JMJD1C: variants seen among roughly 807,000 people sequenced by gnomAD.
The protein encoded by JMJD1C is jumonji domain containing 1C.
A neutral mutation model predicts 245.3 loss-of-function variants in JMJD1C; 31 were observed. That is an observed-to-expected ratio of 0.13 (90% CI 0.09 to 0.17). The LOEUF is 0.17. Among genes scored for constraint, JMJD1C ranks in the 10% least tolerant of loss-of-function variants. The pLI is 1.00. For missense variants in JMJD1C, 2,691 were observed against 3,000.2 expected, an observed-to-expected ratio of 0.90 and a Z score of 2.41; for synonymous variants, 1,057 against 1,017.4, an observed-to-expected ratio of 1.04 and a Z score of -0.74.
At chr10:63,369,842 T>C (rs9414799) in intron 2 of JMJD1C, among the ~76,000 whole-genome samples, 21,107 of 152,138 alleles carry the variant, frequency 0.14, 2,190 homozygotes, top group East Asian at 0.35. Flanking sequence ...ACCTGCTTGA[T>C]AGGAGTGTTT....
At chr10:63,493,561 C>A (rs910298961) in intron 1 of JMJD1C, among the ~76,000 whole-genome samples, 1 of 152,018 alleles carries the variant, frequency 6.6e-6, no homozygotes, top group African/African-American at 2.4e-5. Flanking sequence ...GGATTACAGG[C>A]GTGAGCCACC....
chr10:63,385,808 T>TA (rs1426796124), intron 1 of JMJD1C, among the ~76,000 whole-genome samples: 1 of 151,900 alleles, frequency 6.6e-6, no homozygotes, highest in Admixed American at 6.6e-5. Context: ...CAAACTACGA[T>TA]AAAAAATGTA....
intron 2 of JMJD1C, among the ~76,000 whole-genome samples, chr10:63,270,166 TTCTC>T (rs939947078): frequency 1.1e-4 from 17 of 152,224 alleles, no homozygotes; most frequent in African/African-American, 2.9e-4. Flanking sequence ...TAATAGTAAG[TTCTC>T]TCTCTATTTT....
Position 63,190,938 on chromosome 10 carries a change from C to A in JMJD1C, c.6247G>T (p.Asp2083Tyr). The A allele has an allele frequency of 6.2e-7, 1 of 1,614,116 alleles. No homozygotes were observed. The highest frequency in any genetic ancestry group is 8.5e-7 in the Non-Finnish European group (1 of 1,179,950). ...ACTGGGGCAAAGGCAATGCCAGCAT[C>A]TGTAGACCCCACACGTAGCTTTCCA... is the stretch of plus-strand genomic sequence containing the variant. ...TAGKLRVGST[D>Y]AGIAFAPVYS... Residue 2083 changes from aspartate to tyrosine, a missense_variant, in exon 17 of 26, where the codon GAT becomes TAT. By Grantham distance (160) the Asp-to-Tyr change is radical. Around this residue, in one of 9 missense-constraint regions of JMJD1C, gnomAD observed 275 missense variants for 285.5 expected, o/e 0.96. Transcript: ENST00000399262.
At chr10:63,221,923 T>C (rs1848643784) in intron 3 of JMJD1C, among the ~76,000 whole-genome samples, 1 of 152,168 alleles carries the variant, frequency 6.6e-6, no homozygotes, top group Non-Finnish European at 1.5e-5. Flanking sequence ...GGTTTCATCA[T>C]ATTGGTTAGG....
At chr10:63,361,730 AAAAAAAAAAAAAAAAAAG>A (rs1373140714) in intron 2 of JMJD1C, among the ~76,000 whole-genome samples, 4 of 142,094 alleles carry the variant, frequency 2.8e-5, no homozygotes, top group Non-Finnish European at 4.5e-5. Context: ...AAAAAAAAAA[AAAAAAAAAAAAAAAAAAG>A]AAAAAGAATA....
chr10:63,315,710 T>G (rs962047914), intron 2 of JMJD1C, among the ~76,000 whole-genome samples: 1 of 151,522 alleles, frequency 6.6e-6, no homozygotes, highest in Admixed American at 6.6e-5. Flanking sequence ...CATGGTGGCA[T>G]GCACCTGTAG....
intron 13 of JMJD1C, among the ~76,000 whole-genome samples, chr10:63,197,048 G>C (rs1845540821): frequency 6.6e-6 from 1 of 151,666 alleles, no homozygotes; most frequent in African/African-American, 2.4e-5. Context: ...AGCAATCTTT[G>C]GAAGCCAGCC....
At chr10:63,357,282 T>C (rs189025597) in intron 2 of JMJD1C, among the ~76,000 whole-genome samples, 21 of 152,076 alleles carry the variant, frequency 1.4e-4, no homozygotes, top group African/African-American at 5.1e-4. Flanking sequence ...GTCACACAAA[T>C]ATATTTTTTC....
In JMJD1C at chr10:63,465,585, C is replaced by G. The variant is rs369088569; in HGVS notation, c.78G>C (p.Glu26Asp). Residue 26 changes from glutamate (E) to aspartate (D), a missense_variant, in exon 1 of 26, where the codon GAG (glutamate) becomes GAC (aspartate). Physicochemically the swap from Glu to Asp is conservative, Grantham distance 45 (BLOSUM62 2). This residue lies in a region of JMJD1C where 135 missense variants were observed against 115.5 expected (regional missense o/e 1.17). Coordinates refer to ENST00000399262, the MANE Select transcript of JMJD1C (RefSeq NM_032776.3). ...GCCAGCCGCGTCCGCTCTCCCAGCG[C>G]TCCGAACGTGCCTCGTCGCCGACCG... ...CVAVGDEARS[E>D]RWESGRGWRS... is the part of the protein sequence containing the mutation. The G allele has an allele frequency of 6.2e-7, 1 of 1,609,398 alleles. No individual in the cohort carries two copies. The highest frequency in any genetic ancestry group is 1.3e-5 in the African/African-American group (1 of 74,932).
At chr10:63,366,152 T>C (rs1945821536) in intron 2 of JMJD1C, among the ~76,000 whole-genome samples, 1 of 152,100 alleles carries the variant, frequency 6.6e-6, no homozygotes. Context: ...CTAAAGGTAA[T>C]AGTTTGACAT....
chr10:63,350,882 G>C (rs1944297679), intron 2 of JMJD1C, among the ~76,000 whole-genome samples: 1 of 151,998 alleles, frequency 6.6e-6, no homozygotes, highest in Admixed American at 6.6e-5. Flanking sequence ...GCCTCCCAAA[G>C]TGCTGGGATT....
chr10:63,168,278 C>A (rs1368091211), intron 25 of JMJD1C, 144 bp from the exon 26 acceptor site: 5 of 969,442 alleles, frequency 5.2e-6, no homozygotes, highest in Non-Finnish European at 7.7e-6. Flanking sequence ...CCAAAAGGGA[C>A]ACTATAAATC....
chr10:63,323,824 G>C (rs1020742545), intron 2 of JMJD1C, among the ~76,000 whole-genome samples: 1 of 152,026 alleles, frequency 6.6e-6, no homozygotes, highest in African/African-American at 2.4e-5. Context: ...GTTTGCATAT[G>C]TGTGTGTGTA....
chr10:63,338,752 G>C (rs372225599), intron 2 of JMJD1C, among the ~76,000 whole-genome samples: 1 of 142,072 alleles, frequency 7.0e-6, no homozygotes, highest in Non-Finnish European at 1.5e-5. Context: ...GGGTTCAAGC[G>C]ATCCTCCTAC....
chr10:63,270,528 G>A lies in JMJD1C; in HGVS notation c.334-5764C>T, dbSNP rs549867504. Among the ~76,000 whole-genome samples the A allele has an allele frequency of 2.3e-4, 35 of 151,748 alleles. No individual in the cohort carries two copies. The East Asian group carries it at 3.1e-3, about 13-fold the overall frequency. ...GTTGCCCAGGCTAGAGTGCAGTGGC[G>A]CGATCTTGGCTCACTGCAATCTCTG... On this transcript the variant is annotated intron_variant, in intron 2 of 25. Coordinates refer to ENST00000399262, the MANE Select transcript of JMJD1C (RefSeq NM_032776.3).
intron 3 of JMJD1C, among the ~76,000 whole-genome samples, chr10:63,261,298 T>C (rs1854711236): frequency 6.6e-6 from 1 of 152,038 alleles, no homozygotes; most frequent in South Asian, 2.1e-4. Flanking sequence ...ATCTGACCAG[T>C]GCCGGGCGCA....
chr10:63,449,499 A>C (rs1418383832), intron 1 of JMJD1C, among the ~76,000 whole-genome samples: 2 of 152,194 alleles, frequency 1.3e-5, no homozygotes, highest in Non-Finnish European at 2.9e-5. Context: ...AAGCTATTAT[A>C]TGAGCTAAAA....
chr10:63,395,758 T>A (rs960017261), intron 1 of JMJD1C, among the ~76,000 whole-genome samples: 2 of 152,154 alleles, frequency 1.3e-5, no homozygotes, highest in African/African-American at 2.4e-5. Flanking sequence ...ATGAAATACT[T>A]CTCAGCAATA....
Sources: allele counts gnomAD v4.1 joint callset (sites outside exome capture counted in the v4.1 genomes callset), GRCh38; gene constraint gnomAD v4.1.1; regional missense constraint gnomAD v4.1.1; transcripts MANE v1.5; gene names NCBI Gene and HGNC (gene_info 2026-07-23, HGNC 2026-07-21).